The following NCAM2 variants were observed in gnomAD, a reference collection of about 807,000 sequenced individuals.
NCAM2 encodes N-CAM-2.
In NCAM2, 30 loss-of-function variants were observed where a neutral mutation model predicts 98.1. That is an observed-to-expected ratio of 0.31 (90% confidence interval 0.23 to 0.41). The LOEUF is 0.41. NCAM2 is among the 10% of genes least tolerant of loss of function. The pLI, the probability that NCAM2 is intolerant of heterozygous loss-of-function variation, is 1.00. For synonymous variants in NCAM2, 368 were observed against 342.4 expected, an observed-to-expected ratio of 1.07 and a Z score of -0.83; for missense variants, 867 against 1,005.8, an observed-to-expected ratio of 0.86 and a Z score of 1.87.
intron 1 of NCAM2, among the ~76,000 whole-genome samples, chr21:21,222,510 T>G (rs764379161): frequency 2.6e-5 from 4 of 152,152 alleles, no homozygotes; most frequent in Non-Finnish European, 5.9e-5. Context: ...GATTCCACCC[T>G]TCATGGAGGA....
intron 8 of NCAM2, among the ~76,000 whole-genome samples, chr21:21,339,592 T>A (rs1026058140): frequency 2.0e-5 from 3 of 151,942 alleles, no homozygotes; most frequent in Admixed American, 2.0e-4. Context: ...CTTTTTTCAT[T>A]ATTAACTTTA....
chr21:21,442,890 T>A (rs774111310), intron 12 of NCAM2, among the ~76,000 whole-genome samples: 5 of 152,132 alleles, frequency 3.3e-5, no homozygotes, highest in Non-Finnish European at 7.4e-5. Flanking sequence ...TAAGGGGAGA[T>A]GTACCTCAAA....
intron 10 of NCAM2, among the ~76,000 whole-genome samples, chr21:21,413,944 A>G (rs753706247): frequency 1.6e-4 from 24 of 152,334 alleles, no homozygotes; most frequent in Middle Eastern, 3.4e-3. Flanking sequence ...GTTAGGAATT[A>G]CCTATAGCAG....
chr21:21,023,916 T>C (rs535436029), intron 1 of NCAM2, among the ~76,000 whole-genome samples: 1 of 152,322 alleles, frequency 6.6e-6, no homozygotes, highest in Non-Finnish European at 1.5e-5. Flanking sequence ...CAAATATGTT[T>C]CTGAGGATTT....
intron 1 of NCAM2, among the ~76,000 whole-genome samples, chr21:21,253,110 T>G (rs1371640275): frequency 1.3e-5 from 2 of 152,194 alleles, no homozygotes; most frequent in African/African-American, 2.4e-5. Context: ...AAAGTCCTTT[T>G]ACAACTCTCT....
chr21:21,293,391 GT>G (rs1317926242), intron 5 of NCAM2, among the ~76,000 whole-genome samples: 1 of 150,870 alleles, frequency 6.6e-6, no homozygotes, highest in Non-Finnish European at 1.5e-5. Context: ...ATTCTTCAGT[GT>G]TTCTCACTAC....
chr21:21,040,162 A>G (rs1264889905), intron 1 of NCAM2, among the ~76,000 whole-genome samples: 2 of 152,204 alleles, frequency 1.3e-5, no homozygotes, highest in Non-Finnish European at 2.9e-5. Context: ...ATAGAATTTT[A>G]GAAAGAGGGA....
At chr21:21,406,556 T>G (rs1333050764) in intron 9 of NCAM2, among the ~76,000 whole-genome samples, 1 of 152,184 alleles carries the variant, frequency 6.6e-6, no homozygotes, top group Non-Finnish European at 1.5e-5. Context: ...GGTGTCTGTG[T>G]CACTTTCTTG....
chr21:21,239,133 T>A (rs1220332039), intron 1 of NCAM2, among the ~76,000 whole-genome samples: 1 of 152,232 alleles, frequency 6.6e-6, no homozygotes, highest in Non-Finnish European at 1.5e-5. Flanking sequence ...GTTTATTCTT[T>A]AAATTAAACA....
chr21:21,448,912 G>T (rs1376658602), intron 12 of NCAM2, among the ~76,000 whole-genome samples: 1 of 151,974 alleles, frequency 6.6e-6, no homozygotes, highest in Non-Finnish European at 1.5e-5. Flanking sequence ...TGTGTTCATT[G>T]CACCCATAAA....
At chr21:21,415,411 G>C (rs2076973118) in intron 10 of NCAM2, among the ~76,000 whole-genome samples, 1 of 135,560 alleles carries the variant, frequency 7.4e-6, no homozygotes, top group South Asian at 2.4e-4. Flanking sequence ...TCTCGGCTCA[G>C]TGCAAGCTCT....
Position 21,539,494 on chromosome 21 carries a change from CTGA to C in NCAM2, c.*1542_*1544del, listed in dbSNP as rs1380638104. The C allele has an allele frequency of 1.3e-5, 2 of 152,018 alleles. No homozygotes were observed. The highest frequency in any genetic ancestry group is 2.9e-5 in the Non-Finnish European group (2 of 67,996). The allele number at this position is 152,018 out of a possible 1,614,324, so 9.4% of individuals were successfully genotyped here. A position where few individuals can be genotyped will look rare whatever the true frequency, so the allele number is the denominator to read the frequency against. ...GGGTGTGTCTCTCTGTAGAGATAACCTGATGATTATTAAATGTAAAATTAAGGC... is the reference window on the plus strand; with the variant it reads ...GGGTGTGTCTCTCTGTAGAGATAACCTGATTATTAAATGTAAAATTAAGGC... On this transcript the variant is annotated 3_prime_UTR_variant, in exon 18 of 18. Transcript: ENST00000400546.
At chr21:21,010,233 T>C (rs1972085080) in intron 1 of NCAM2, among the ~76,000 whole-genome samples, 1 of 152,076 alleles carries the variant, frequency 6.6e-6, no homozygotes, top group Non-Finnish European at 1.5e-5. Context: ...TCATACACGC[T>C]ATGTTAATGC....
intron 1 of NCAM2, among the ~76,000 whole-genome samples, chr21:21,107,576 A>G (rs1415451598): frequency 6.6e-6 from 1 of 152,082 alleles, no homozygotes; most frequent in Non-Finnish European, 1.5e-5. Context: ...ATTTAAATAT[A>G]ATTGTGATCT....
At chr21:21,152,638 C>T (rs1440058938) in intron 1 of NCAM2, among the ~76,000 whole-genome samples, 1 of 151,904 alleles carries the variant, frequency 6.6e-6, no homozygotes, top group Non-Finnish European at 1.5e-5. Context: ...AGTTCTACTT[C>T]ACCGTTTTGG....
intron 9 of NCAM2, among the ~76,000 whole-genome samples, chr21:21,398,141 T>A (rs1395070843): frequency 6.6e-6 from 1 of 152,226 alleles, no homozygotes; most frequent in Non-Finnish European, 1.5e-5. Context: ...AGACCATTAT[T>A]CTAAGTGACG....
chr21:21,492,333 T>C (rs967567177), intron 15 of NCAM2, among the ~76,000 whole-genome samples: 2 of 151,930 alleles, frequency 1.3e-5, no homozygotes, highest in East Asian at 3.9e-4. Context: ...GATTGGCCTG[T>C]GGAGAACAAC....
At chr21:21,098,192 AT>A (rs2066164142) in intron 1 of NCAM2, among the ~76,000 whole-genome samples, 1 of 151,394 alleles carries the variant, frequency 6.6e-6, no homozygotes, top group Admixed American at 6.6e-5. Context: ...GAATACATTT[AT>A]TTCATTTTGA....
intron 1 of NCAM2, among the ~76,000 whole-genome samples, chr21:21,167,934 G>A (rs2068003029): frequency 6.6e-6 from 1 of 151,662 alleles, no homozygotes; most frequent in African/African-American, 2.4e-5. Flanking sequence ...AGAAGCAGAG[G>A]GAATCCATCC....
Sources: allele counts gnomAD v4.1 joint callset (sites outside exome capture counted in the v4.1 genomes callset), GRCh38; gene constraint gnomAD v4.1.1; transcripts MANE v1.5; gene names NCBI Gene and HGNC (gene_info 2026-07-23, HGNC 2026-07-21).